Variants in RBFOX1 observed in about 807,000 individuals in gnomAD.
RBFOX1 encodes the protein RNA binding protein fox-1 homolog 1.
In RBFOX1, 8 loss-of-function variants were observed where a neutral mutation model predicts 57.7. The ratio of observed to expected loss-of-function variants is 0.14; its 90% confidence interval spans 0.08 to 0.25. The LOEUF is 0.25. RBFOX1 is among the 10% of genes least tolerant of loss of function. The pLI, the probability that RBFOX1 is intolerant of heterozygous loss-of-function variation, is 1.00. For synonymous variants in RBFOX1, 326 were observed against 222.4 expected (o/e 1.47, Z -4.15); for missense variants, 611 against 548.5 (o/e 1.11, Z -1.14).
At chr16:6,592,828 T>C (rs1293697966) in intron 2 of RBFOX1, among the ~76,000 whole-genome samples, 5 of 152,174 alleles carry the variant, frequency 3.3e-5, no homozygotes, top group Non-Finnish European at 7.3e-5. Context: ...CCAGTTCTAT[T>C]CATCCAGGCA....
intron 4 of RBFOX1, among the ~76,000 whole-genome samples, chr16:5,940,830 C>T (rs953298240): frequency 2.6e-5 from 4 of 152,082 alleles, no homozygotes; most frequent in African/African-American, 7.2e-5. Flanking sequence ...TGAGCATTTC[C>T]GCTTGGGATC....
At chr16:7,072,749 A>G (rs1053149960) in intron 4 of RBFOX1, among the ~76,000 whole-genome samples, 4 of 152,244 alleles carry the variant, frequency 2.6e-5, no homozygotes, top group African/African-American at 9.6e-5. Flanking sequence ...GGCAATGGGT[A>G]CAAAGCAGCA....
chr16:6,328,628 T>G (rs982505541), intron 2 of RBFOX1, among the ~76,000 whole-genome samples: 1 of 152,132 alleles, frequency 6.6e-6, no homozygotes, highest in South Asian at 2.1e-4. Context: ...CTATTCACTA[T>G]GTATGCAAAG....
At chr16:6,913,321 G>C (rs2072197742) in intron 3 of RBFOX1, among the ~76,000 whole-genome samples, 1 of 152,064 alleles carries the variant, frequency 6.6e-6, no homozygotes, top group South Asian at 2.1e-4. Context: ...AGATTCAACT[G>C]GGGATAAGGA....
intron 3 of RBFOX1, among the ~76,000 whole-genome samples, chr16:6,658,557 GCA>G (rs1395442994): frequency 6.6e-6 from 1 of 152,012 alleles, no homozygotes; most frequent in African/African-American, 2.4e-5. Flanking sequence ...CTTTATCTGC[GCA>G]CAGTCTGGGC....
At chr16:6,865,987 A>G (rs1031280209) in intron 3 of RBFOX1, among the ~76,000 whole-genome samples, 32 of 152,294 alleles carry the variant, frequency 2.1e-4, no homozygotes, top group East Asian at 9.7e-4. Context: ...GAAAAAAACA[A>G]TCGGGGAAAA....
intron 1 of RBFOX1, among the ~76,000 whole-genome samples, chr16:6,174,650 A>T (rs1393243140): frequency 6.6e-6 from 1 of 152,178 alleles, no homozygotes; most frequent in South Asian, 2.1e-4. Flanking sequence ...AAAAGTTAGG[A>T]TATCAGCACA....
chr16:5,993,146 G>T (rs1333431318), intron 4 of RBFOX1, among the ~76,000 whole-genome samples: 3 of 152,166 alleles, frequency 2.0e-5, no homozygotes, highest in African/African-American at 7.2e-5. Flanking sequence ...GGTTGAACCA[G>T]TGACCTTTTG....
In RBFOX1 at chr16:6,907,329, C is replaced by T. The variant is rs527969514; in HGVS notation, c.-15-144728C>T. Among the ~76,000 whole-genome samples, 40 of 152,282 alleles carry T rather than the reference C, an allele frequency of 2.6e-4. No individual in the cohort carries two copies. In the South Asian group the frequency reaches 8.3e-3, roughly 32 times the overall value. On this transcript the variant is annotated intron_variant, in intron 3 of 15. Coordinates refer to ENST00000550418, the MANE Select transcript of RBFOX1 (RefSeq NM_018723.4). Reference sequence around the variant, plus strand: ...TCAGTATTCCCAGTGCCCAGAGCTTCACTCAGAGAAACAGTGTATCGAGCT... The same window carrying T: ...TCAGTATTCCCAGTGCCCAGAGCTTTACTCAGAGAAACAGTGTATCGAGCT...
At chr16:6,193,356 T>TTA (rs61247347) in intron 1 of RBFOX1, among the ~76,000 whole-genome samples, 1,434 of 64,054 alleles carry the variant, frequency 0.022, 26 homozygotes, top group African/African-American at 0.05. Context: ...TATATATACA[T>TTA]TATATATATA....
At chr16:7,629,220 G>A (rs1345590934) in intron 10 of RBFOX1, among the ~76,000 whole-genome samples, 3 of 152,108 alleles carry the variant, frequency 2.0e-5, no homozygotes, top group African/African-American at 7.2e-5. Flanking sequence ...GAGTGAGATG[G>A]GTTAGAAAGA....
intron 4 of RBFOX1, among the ~76,000 whole-genome samples, chr16:7,243,233 G>A (rs1320025812): frequency 6.6e-6 from 1 of 152,082 alleles, no homozygotes; most frequent in African/African-American, 2.4e-5. Flanking sequence ...CCAAGCACTT[G>A]GCATGAATGT....
At chr16:7,353,544 G>C (rs551610835) in intron 4 of RBFOX1, among the ~76,000 whole-genome samples, 1 of 152,242 alleles carries the variant, frequency 6.6e-6, no homozygotes, top group South Asian at 2.1e-4. Context: ...AGTAACCAAA[G>C]CATGGAAACA....
intron 1 of RBFOX1, among the ~76,000 whole-genome samples, chr16:5,371,602 C>T (rs1021033183): frequency 3.9e-5 from 6 of 152,196 alleles, no homozygotes; most frequent in Non-Finnish European, 7.3e-5. Flanking sequence ...ACTGAATCCT[C>T]GTCTAGGAGG....
intron 1 of RBFOX1, among the ~76,000 whole-genome samples, chr16:6,245,978 C>CT (rs1567763814): frequency 6.6e-6 from 1 of 152,200 alleles, no homozygotes; most frequent in African/African-American, 2.4e-5. Context: ...TTTTCCCTCT[C>CT]TTTTTTCTAA....
chr16:6,424,971 C>G (rs181124471), intron 2 of RBFOX1, among the ~76,000 whole-genome samples: 3 of 152,044 alleles, frequency 2.0e-5, no homozygotes, highest in African/African-American at 7.2e-5. Flanking sequence ...AAACAGAATA[C>G]AGGAAAAAAT....
chr16:7,277,964 G>A (rs926074764), intron 4 of RBFOX1, among the ~76,000 whole-genome samples: 1 of 150,172 alleles, frequency 6.7e-6, no homozygotes, highest in African/African-American at 2.4e-5. Context: ...AAAAAAAAAG[G>A]TACTAAGACA....
intron 1 of RBFOX1, among the ~76,000 whole-genome samples, chr16:5,390,757 A>C (rs997424718): frequency 1.3e-5 from 2 of 152,146 alleles, no homozygotes; most frequent in African/African-American, 2.4e-5. Context: ...CCTGGGTCAA[A>C]TGAATTGTTC....
At chr16:6,346,431 A>G (rs574236970) in intron 2 of RBFOX1, among the ~76,000 whole-genome samples, 49 of 152,312 alleles carry the variant, frequency 3.2e-4, no homozygotes, top group African/African-American at 1.1e-3. Flanking sequence ...GCTGAGTCTC[A>G]GCCAATCACG....
Sources: gnomAD v4.1 joint callset for allele counts (sites outside exome capture counted in the v4.1 genomes callset) on GRCh38, gnomAD v4.1.1 for gene constraint, MANE v1.5 for transcripts, NCBI Gene and HGNC (gene_info 2026-07-23, HGNC 2026-07-21) for gene names.